The following FSTL5 variants were observed in gnomAD, a reference collection of about 807,000 sequenced individuals.
FSTL5 encodes the protein follistatin-related protein 5.
A neutral mutation model predicts 89.1 loss-of-function variants in FSTL5; 62 were observed. The ratio of observed to expected loss-of-function variants is 0.70; its 90% CI spans 0.57 to 0.86. The LOEUF is 0.86. Ranked by LOEUF, FSTL5 falls within the 40% of genes least tolerant of loss-of-function variation. The pLI is 0.00. For synonymous variants in FSTL5, 383 were observed against 346.2 expected (o/e 1.11, Z -1.18); for missense variants, 1,057 against 1,001.6 (o/e 1.06, Z -0.75).
intron 7 of FSTL5, among the ~76,000 whole-genome samples, chr4:161,613,257 C>T (rs1225156865): frequency 3.3e-5 from 5 of 152,032 alleles, no homozygotes; most frequent in Non-Finnish European, 7.4e-5. Flanking sequence ...TCGAGACCAT[C>T]CTGGCCAAAA....
intron 4 of FSTL5, among the ~76,000 whole-genome samples, chr4:161,808,319 G>C (rs1203152791): frequency 6.6e-6 from 1 of 151,886 alleles, no homozygotes; most frequent in Non-Finnish European, 1.5e-5. Flanking sequence ...CCACTTATAG[G>C]CATACATTGC....
intron 15 of FSTL5, among the ~76,000 whole-genome samples, chr4:161,417,839 C>T (rs1463834697): frequency 6.6e-6 from 1 of 152,134 alleles, no homozygotes; most frequent in Non-Finnish European, 1.5e-5. Context: ...ATTACTTTGG[C>T]ACCATGTACT....
At chr4:162,017,904 AC>A (rs1235121187) in intron 3 of FSTL5, among the ~76,000 whole-genome samples, 2 of 152,110 alleles carry the variant, frequency 1.3e-5, no homozygotes, top group African/African-American at 2.4e-5. Context: ...AACTCATTAT[AC>A]CTTCTAATGC....
At position 161,662,380 on chromosome 4, in the gene FSTL5, A is replaced by G. The variant is rs139710052; in HGVS notation, c.728-5886T>C. On this transcript the variant is annotated intron_variant, in intron 6 of 15. Transcript: ENST00000306100. ...ATAATCCAATAAGATTGTAAGATGT[A>G]TTATGTTTATGAAAATAAAATTCCA... Among the ~76,000 whole-genome samples the G allele has an allele frequency of 6.4e-3, 974 of 152,298 alleles. 8 individuals are homozygous for G. Among genetic ancestry groups the G allele is most frequent in the Non-Finnish European group, 0.011 (756 of 68,012 alleles).
chr4:162,039,662 C>T (rs1472655922), intron 2 of FSTL5, among the ~76,000 whole-genome samples: 1 of 151,822 alleles, frequency 6.6e-6, no homozygotes, highest in Non-Finnish European at 1.5e-5. Context: ...TTTAGCTTGG[C>T]TAAATGCTGA....
At chr4:161,746,369 C>A (rs1740204364) in intron 6 of FSTL5, among the ~76,000 whole-genome samples, 1 of 152,038 alleles carries the variant, frequency 6.6e-6, no homozygotes, top group African/African-American at 2.4e-5. Context: ...CTGATTTACC[C>A]AACTCCACTT....
intron 3 of FSTL5, among the ~76,000 whole-genome samples, chr4:161,985,103 T>C (rs954165717): frequency 1.1e-4 from 17 of 151,964 alleles, no homozygotes; most frequent in African/African-American, 4.1e-4. Context: ...ATTACAGGCG[T>C]GTGCCACCAT....
At chr4:161,548,826 T>C (rs1732095614) in intron 8 of FSTL5, among the ~76,000 whole-genome samples, 1 of 151,882 alleles carries the variant, frequency 6.6e-6, no homozygotes, top group East Asian at 1.9e-4. Context: ...TTCAAATGAT[T>C]GTGCTATGTA....
intron 6 of FSTL5, among the ~76,000 whole-genome samples, chr4:161,747,611 C>T (rs1230466661): frequency 2.0e-5 from 3 of 152,152 alleles, no homozygotes; most frequent in Non-Finnish European, 4.4e-5. Context: ...ATTTGTTTGT[C>T]CCATATGGTG....
chr4:161,585,956 G>C (rs763540098), intron 8 of FSTL5, among the ~76,000 whole-genome samples: 2 of 152,184 alleles, frequency 1.3e-5, no homozygotes, highest in Non-Finnish European at 2.9e-5. Flanking sequence ...TGGATTCAAA[G>C]ACTTGATTAT....
intron 4 of FSTL5, among the ~76,000 whole-genome samples, chr4:161,842,911 G>A (rs74912399): frequency 0.035 from 5,249 of 152,052 alleles, 176 homozygotes; most frequent in East Asian, 0.15. Flanking sequence ...TTACCTTAAG[G>A]AAATGAGAAA....
At chr4:161,463,208 G>C (rs960580334) in intron 13 of FSTL5, among the ~76,000 whole-genome samples, 1 of 152,062 alleles carries the variant, frequency 6.6e-6, no homozygotes, top group Non-Finnish European at 1.5e-5. Context: ...AAAAATGTCT[G>C]CTCAACGATT....
rs1560800261 is a variant in FSTL5, at chr4:161,705,971, TATATATATATATATATATATATATAC to T, written c.728-49503_728-49478del. Among the ~76,000 whole-genome samples, 693 of 79,896 alleles carry T rather than the reference TATATATATATATATATATATATATAC, an allele frequency of 8.7e-3. 49 individuals carry two copies. In the South Asian group the frequency reaches 0.11, roughly 13 times the overall value. 52.4% of individuals were successfully genotyped at this position (79,896 alleles called of 152,430 possible). A position where few individuals can be genotyped will look rare whatever the true frequency, so the allele number is the denominator to read the frequency against. ...ATGTGTGTATATATATATATATATA[TATATATATATATATATATATATATAC>T]ACACATCTACACACACACAGACTAT... On this transcript the variant is annotated intron_variant, in intron 6 of 15. Transcript: ENST00000306100.
intron 2 of FSTL5, among the ~76,000 whole-genome samples, chr4:162,054,568 T>TA (rs995876875): frequency 7.2e-5 from 11 of 151,760 alleles, no homozygotes; most frequent in African/African-American, 2.7e-4. Flanking sequence ...TAAGAGCAAG[T>TA]AAAAAAATGA....
At chr4:162,019,654 T>C (rs1737013893) in intron 3 of FSTL5, among the ~76,000 whole-genome samples, 1 of 151,832 alleles carries the variant, frequency 6.6e-6, no homozygotes, top group Non-Finnish European at 1.5e-5. Flanking sequence ...ATTCTCAATA[T>C]CTTTTATGAA....
At chr4:161,704,640 C>T (rs756908830) in intron 6 of FSTL5, among the ~76,000 whole-genome samples, 112 of 152,098 alleles carry the variant, frequency 7.4e-4, no homozygotes, top group Admixed American at 2.8e-3. Flanking sequence ...GGCAAAGTAG[C>T]ACACATGAAA....
chr4:161,701,559 A>G (rs1738393424), intron 6 of FSTL5, among the ~76,000 whole-genome samples: 2 of 152,122 alleles, frequency 1.3e-5, no homozygotes, highest in South Asian at 2.1e-4. Context: ...ATAATCTAGT[A>G]TAAAGTCAGA....
chr4:161,654,322 G>A (rs938691247), intron 7 of FSTL5, among the ~76,000 whole-genome samples: 2 of 151,950 alleles, frequency 1.3e-5, no homozygotes, highest in Non-Finnish European at 2.9e-5. Context: ...AATACACTGG[G>A]CCTATTAAAA....
chr4:161,682,361 C>T (rs1737554575), intron 6 of FSTL5, among the ~76,000 whole-genome samples: 1 of 152,148 alleles, frequency 6.6e-6, no homozygotes, highest in South Asian at 2.1e-4. Context: ...TAAGTTTTTA[C>T]TTTGTGAACT....
Sources: allele counts gnomAD v4.1 joint callset (sites outside exome capture counted in the v4.1 genomes callset), GRCh38; gene constraint gnomAD v4.1.1; transcripts MANE v1.5; gene names NCBI Gene and HGNC (gene_info 2026-07-23, HGNC 2026-07-21).